DIAPH2: variants seen among roughly 807,000 people sequenced by gnomAD.
DIAPH2 encodes the protein diaphanous related formin 2, also known as protein diaphanous homolog 2.
Under a neutral mutation model 92.7 loss-of-function variants are expected in DIAPH2, and 35 were observed. The observed-to-expected ratio is 0.38, with a 90% CI of 0.29 to 0.50. The LOEUF (loss-of-function observed/expected upper bound fraction) is 0.50. DIAPH2 is among the 20% of genes least tolerant of loss of function. The pLI, the probability that DIAPH2 is intolerant of heterozygous loss-of-function variation, is 0.94. For missense variants in DIAPH2, 701 were observed against 819.5 expected, an observed-to-expected ratio of 0.86 and a Z score of 1.77; for synonymous variants, 301 against 280.4, an observed-to-expected ratio of 1.07 and a Z score of -0.73.
chrX:97,161,081 G>T (rs2067368538), intron 22 of DIAPH2, among the ~76,000 whole-genome samples: 1 of 101,564 alleles, frequency 9.8e-6, no homozygotes, highest in Non-Finnish European at 2.0e-5. Flanking sequence ...CCCTAGGGAG[G>T]ATATAGTGGC....
intron 26 of DIAPH2, among the ~76,000 whole-genome samples, chrX:97,584,497 G>C (rs2071466203): frequency 1.8e-5 from 2 of 112,237 alleles, no homozygotes; most frequent in Admixed American, 1.9e-4. Flanking sequence ...TTTAATAGTA[G>C]AGCTTCAGAT....
chrX:97,243,437 C>A (rs903678565), intron 22 of DIAPH2, among the ~76,000 whole-genome samples: 1 of 110,123 alleles, frequency 9.1e-6, no homozygotes, highest in Non-Finnish European at 1.9e-5. Flanking sequence ...ATTTAAGAGG[C>A]TGGTCCAAAT....
chrX:97,132,502 G>T (rs2067144428), intron 21 of DIAPH2, among the ~76,000 whole-genome samples: 1 of 111,916 alleles, frequency 8.9e-6, no homozygotes, highest in Non-Finnish European at 1.9e-5. Flanking sequence ...GTGTGTGGTG[G>T]TATTAAAGAA....
intron 23 of DIAPH2, among the ~76,000 whole-genome samples, chrX:97,327,342 G>A (rs187918245): frequency 0.023 from 2,539 of 110,013 alleles, 89 homozygotes; most frequent in African/African-American, 0.08. Flanking sequence ...CAGGCAATCC[G>A]CCTGCCTCAG....
At chrX:96,712,723 CT>C (rs1220717336) in intron 1 of DIAPH2, among the ~76,000 whole-genome samples, 1 of 111,293 alleles carries the variant, frequency 9.0e-6, no homozygotes, top group Non-Finnish European at 1.9e-5. Flanking sequence ...TTTACATAAT[CT>C]ATGAAGAATA....
At chrX:96,757,975 C>A (rs768595257) in intron 3 of DIAPH2, among the ~76,000 whole-genome samples, 179 bp from the exon 4 acceptor site, 2 of 111,755 alleles carry the variant, frequency 1.8e-5, no homozygotes, top group Admixed American at 1.9e-4. Flanking sequence ...AGAATTTACA[C>A]AAAACTGTGG....
chrX:97,453,500 ATATAC>A (rs1351572820), intron 26 of DIAPH2, among the ~76,000 whole-genome samples: 1 of 111,138 alleles, frequency 9.0e-6, no homozygotes, highest in Non-Finnish European at 1.9e-5. Context: ...ACTGATTTGA[ATATAC>A]TATATTTACA....
intron 4 of DIAPH2, among the ~76,000 whole-genome samples, chrX:96,852,510 T>C (rs1461642924): frequency 8.9e-6 from 1 of 111,941 alleles, no homozygotes; most frequent in Admixed American, 9.5e-5. Context: ...CTATTACAGC[T>C]GGAGGGAGCT....
intron 1 of DIAPH2, among the ~76,000 whole-genome samples, chrX:96,721,392 T>G (rs770133235): frequency 8.9e-6 from 1 of 112,343 alleles, no homozygotes; most frequent in Admixed American, 9.4e-5. Flanking sequence ...TCTTCTGGTA[T>G]ATGCTCATGA....
intron 21 of DIAPH2, among the ~76,000 whole-genome samples, chrX:97,121,966 G>C (rs59865070): frequency 0.026 from 2,925 of 111,647 alleles, 90 homozygotes; most frequent in African/African-American, 0.09. Flanking sequence ...CTAAAGCCCA[G>C]TGAGGTTATA....
intron 26 of DIAPH2, among the ~76,000 whole-genome samples, chrX:97,459,179 A>G (rs2070436556): frequency 8.9e-6 from 1 of 112,252 alleles, no homozygotes; most frequent in African/African-American, 3.2e-5. Context: ...CTCACAGGCC[A>G]TGGGTGTCTC....
At chrX:97,193,217 T>C (rs1281448806) in intron 22 of DIAPH2, among the ~76,000 whole-genome samples, 1 of 109,676 alleles carries the variant, frequency 9.1e-6, no homozygotes, top group Non-Finnish European at 1.9e-5. Context: ...TTTCACCATG[T>C]TGGCCAGGCT....
chrX:96,971,099 A>G (rs1784018566), intron 17 of DIAPH2, among the ~76,000 whole-genome samples: 1 of 112,228 alleles, frequency 8.9e-6, no homozygotes, highest in Non-Finnish European at 1.9e-5. Flanking sequence ...TAGATTTTAT[A>G]AAATTTTAGA....
chrX:97,185,155 C>G (rs1165850328), intron 22 of DIAPH2, among the ~76,000 whole-genome samples: 2 of 96,575 alleles, frequency 2.1e-5, no homozygotes, highest in Non-Finnish European at 4.1e-5. Context: ...AAAAAATGAC[C>G]CAGGATTATA....
At chrX:96,727,046 G>A (rs186516779) in intron 1 of DIAPH2, among the ~76,000 whole-genome samples, 1 of 111,650 alleles carries the variant, frequency 9.0e-6, no homozygotes. Flanking sequence ...TTATCATTTG[G>A]CCACAAGCCC....
At chrX:96,775,915 T>C (rs371815571) in intron 4 of DIAPH2, among the ~76,000 whole-genome samples, 16 of 111,806 alleles carry the variant, frequency 1.4e-4, no homozygotes, top group East Asian at 8.4e-4. Flanking sequence ...ATTCCTAATA[T>C]ATATATTTTT....
chrX:96,819,341 A>G (rs59325321), intron 4 of DIAPH2, among the ~76,000 whole-genome samples: 2,894 of 112,373 alleles, frequency 0.026, 84 homozygotes, highest in African/African-American at 0.088. Context: ...CATTCTTTTT[A>G]ATCTCATTCT....
At chrX:97,542,531 G>A (rs1041506867) in intron 26 of DIAPH2, among the ~76,000 whole-genome samples, 23 of 112,244 alleles carry the variant, frequency 2.0e-4, no homozygotes, top group African/African-American at 6.8e-4. Flanking sequence ...CTAAGCGAAG[G>A]CAGTTATTTG....
chrX:97,099,606 C>G, intron 19 of DIAPH2, 88 bp from the exon 20 acceptor site: 2 of 551,331 alleles, frequency 3.6e-6, no homozygotes, highest in Non-Finnish European at 5.4e-6. Context: ...AATGTACTGT[C>G]CTAGTTAATC....
Sources: allele counts gnomAD v4.1 joint callset (sites outside exome capture counted in the v4.1 genomes callset), GRCh38; gene constraint gnomAD v4.1.1; transcripts MANE v1.5; gene names NCBI Gene and HGNC (gene_info 2026-07-23, HGNC 2026-07-21).